Variants in ARNT2 observed in about 807,000 individuals in gnomAD.
The protein encoded by ARNT2 is aryl hydrocarbon receptor nuclear translocator 2.
In ARNT2, 36 loss-of-function variants were observed where a neutral mutation model predicts 91.7. That is an observed-to-expected ratio of 0.39 (90% CI 0.30 to 0.52). The LOEUF is 0.52. Ranked by LOEUF, ARNT2 falls within the 20% of genes least tolerant of loss-of-function variation. The pLI is 0.72. For synonymous variants in ARNT2, 365 were observed against 347.1 expected (o/e 1.05, Z -0.57); for missense variants, 775 against 939.3 (o/e 0.83, Z 2.29).
chr15:80,457,393 C>T (rs1440808674), intron 2 of ARNT2, among the ~76,000 whole-genome samples: 1 of 152,200 alleles, frequency 6.6e-6, no homozygotes, highest in Admixed American at 6.5e-5. Context: ...CTCATCAAGA[C>T]CAGCCACATT....
chr15:80,452,346 C>T (rs1183810672), intron 2 of ARNT2, among the ~76,000 whole-genome samples: 1 of 152,182 alleles, frequency 6.6e-6, no homozygotes, highest in Non-Finnish European at 1.5e-5. Context: ...GCAGAACCAG[C>T]AGAGCTATAA....
chr15:80,459,636 G>A (rs549704969), intron 3 of ARNT2, among the ~76,000 whole-genome samples: 9 of 152,110 alleles, frequency 5.9e-5, no homozygotes, highest in Non-Finnish European at 1.2e-4. Flanking sequence ...AATAGTGCAG[G>A]GGTACAAAGA....
At chr15:80,593,307 G>A (rs143042961) in intron 18 of ARNT2, among the ~76,000 whole-genome samples, 102 of 152,334 alleles carry the variant, frequency 6.7e-4, no homozygotes, top group African/African-American at 2.3e-3. Context: ...GGGTCTCCCC[G>A]CCAGTGGGGT....
At chr15:80,483,509 G>C (rs923771896) in intron 5 of ARNT2, among the ~76,000 whole-genome samples, 1 of 152,208 alleles carries the variant, frequency 6.6e-6, no homozygotes, top group Non-Finnish European at 1.5e-5. Flanking sequence ...ATCTAGGGCA[G>C]AGGCTGACTA....
At chr15:80,480,754 C>T (rs1278622382) in intron 5 of ARNT2, among the ~76,000 whole-genome samples, 1 of 152,058 alleles carries the variant, frequency 6.6e-6, no homozygotes, top group East Asian at 1.9e-4. Flanking sequence ...CTTCCTCTCC[C>T]CATCCTTCCT....
At chr15:80,580,690 G>A in intron 16 of ARNT2, 141 bp downstream of exon 16, 1 of 1,118,068 alleles carries the variant, frequency 8.9e-7, no homozygotes, top group Non-Finnish European at 1.3e-6. Context: ...TGGCTACTCA[G>A]GAGCACCATC....
intron 3 of ARNT2, among the ~76,000 whole-genome samples, chr15:80,463,848 G>A (rs1019391484): frequency 2.0e-5 from 3 of 152,140 alleles, no homozygotes; most frequent in East Asian, 1.9e-4. Flanking sequence ...GGGATTATAG[G>A]TGTGAGCCAC....
intron 17 of ARNT2, among the ~76,000 whole-genome samples, chr15:80,587,225 G>A (rs527687870): frequency 2.6e-5 from 4 of 152,212 alleles, no homozygotes; most frequent in African/African-American, 7.2e-5. Flanking sequence ...ACTTTATCCA[G>A]CAGGGTTTCT....
chr15:80,464,860 G>A (rs547325524), intron 3 of ARNT2, among the ~76,000 whole-genome samples: 1 of 152,302 alleles, frequency 6.6e-6, no homozygotes, highest in South Asian at 2.1e-4. Context: ...GAGCCAGTCT[G>A]TGCCTAATAC....
intron 5 of ARNT2, among the ~76,000 whole-genome samples, chr15:80,485,853 G>T (rs964261548): frequency 2.0e-4 from 31 of 152,212 alleles, no homozygotes; most frequent in African/African-American, 7.5e-4. Context: ...GAGGATGCTA[G>T]AGTTATCTAT....
intron 12 of ARNT2, among the ~76,000 whole-genome samples, chr15:80,570,544 T>C (rs538903996): frequency 4.4e-4 from 67 of 152,336 alleles, no homozygotes; most frequent in Non-Finnish European, 9.3e-4. Context: ...TTCTGAAATA[T>C]CAATTTGTTT....
At chr15:80,456,178 C>T (rs993569835) in intron 2 of ARNT2, among the ~76,000 whole-genome samples, 6 of 152,172 alleles carry the variant, frequency 3.9e-5, no homozygotes, top group Admixed American at 2.0e-4. Flanking sequence ...ACAACATCGG[C>T]AACTCTAAAG....
chr15:80,443,742 C>G lies in ARNT2; in HGVS notation c.32-7138C>G, dbSNP rs1567180888. ...CCAGGCGAAAATGCTTGAGACAGAGCAGGGGGCCACATCCCCATAGAAGGT... is the reference window on the plus strand; with the variant it reads ...CCAGGCGAAAATGCTTGAGACAGAGGAGGGGGCCACATCCCCATAGAAGGT... On this transcript the variant is annotated intron_variant, in intron 1 of 18. Transcript: ENST00000303329. 2.6e-5 allele frequency among the ~76,000 whole-genome samples: 4 copies of G among 152,022 alleles called. No individual in the cohort carries two copies. In the South Asian group the frequency reaches 6.2e-4, roughly 24 times the overall value.
chr15:80,502,668 G>C (rs1044196625), intron 5 of ARNT2, among the ~76,000 whole-genome samples: 6 of 152,156 alleles, frequency 3.9e-5, no homozygotes, highest in African/African-American at 1.2e-4. Context: ...CAGAGGGCAT[G>C]CTCCAGAGGG....
At chr15:80,439,922 C>T (rs1423742260) in intron 1 of ARNT2, among the ~76,000 whole-genome samples, 4 of 152,202 alleles carry the variant, frequency 2.6e-5, no homozygotes, top group African/African-American at 4.8e-5. Flanking sequence ...GGTTCTTTCT[C>T]GTATTTTTGA....
intron 3 of ARNT2, among the ~76,000 whole-genome samples, chr15:80,464,408 GT>G (rs1168357424): frequency 6.6e-6 from 1 of 152,160 alleles, no homozygotes; most frequent in Non-Finnish European, 1.5e-5. Context: ...TGCAAGATGT[GT>G]GTCTCACTGG....
intron 17 of ARNT2, among the ~76,000 whole-genome samples, chr15:80,583,493 G>A (rs986709712): frequency 1.3e-5 from 2 of 152,250 alleles, no homozygotes; most frequent in Non-Finnish European, 2.9e-5. Flanking sequence ...CAACACAGAT[G>A]GGGCTCCAGG....
intron 5 of ARNT2, among the ~76,000 whole-genome samples, chr15:80,477,878 G>A (rs2141399982): frequency 6.6e-6 from 1 of 152,316 alleles, no homozygotes; most frequent in South Asian, 2.1e-4. Flanking sequence ...GTGTACAGCT[G>A]TTTTGGAAGG....
At position 80,596,965 on chromosome 15, in the gene ARNT2, TC is replaced by T; in HGVS notation, c.*3268del. 5.6e-6 allele frequency: 2 copies of T among 355,500 alleles called. No individual in the cohort carries two copies. The highest frequency in any genetic ancestry group is 1.1e-5 in the Non-Finnish European group (2 of 179,948). 22.0% of individuals were successfully genotyped at this position (355,500 alleles called of 1,614,324 possible). A position where few individuals can be genotyped will look rare whatever the true frequency, so the allele number is the denominator to read the frequency against. ...CTTTGGCTTCAGGGAGTGACAGCCA[TC>T]ACAAATAGCCACATTCTGCTCTACT... On this transcript the variant is annotated 3_prime_UTR_variant, in exon 19 of 19. Coordinates refer to ENST00000303329, the MANE Select transcript of ARNT2 (RefSeq NM_014862.4).
Sources: allele counts gnomAD v4.1 joint callset (sites outside exome capture counted in the v4.1 genomes callset), GRCh38; gene constraint gnomAD v4.1.1; transcripts MANE v1.5; gene names NCBI Gene and HGNC (gene_info 2026-07-23, HGNC 2026-07-21).